KCNC2: variants seen among roughly 807,000 people sequenced by gnomAD.
The protein encoded by KCNC2 is voltage-gated potassium channel KCNC2.
In KCNC2, 21 loss-of-function variants were observed where a neutral mutation model predicts 44.5. That is an observed-to-expected ratio of 0.47 (90% CI 0.33 to 0.68). The LOEUF is 0.68. KCNC2 is among the 30% of genes least tolerant of loss of function. The probability of loss-of-function intolerance (pLI) is 0.01; values close to 1 mark genes in which losing one functional copy is unlikely to be tolerated. For synonymous variants in KCNC2, 391 were observed against 339.1 expected (o/e 1.15, Z -1.68); for missense variants, 589 against 826.2 (o/e 0.71, Z 3.52).
At chr12:75,086,257 T>C (rs1315181013) in intron 2 of KCNC2, among the ~76,000 whole-genome samples, 1 of 151,972 alleles carries the variant, frequency 6.6e-6, no homozygotes, top group Non-Finnish European at 1.5e-5. Flanking sequence ...GTCAGAAGTC[T>C]GGTTATTAGA....
At chr12:75,129,228 C>T (rs893439092) in intron 2 of KCNC2, among the ~76,000 whole-genome samples, 3 of 152,188 alleles carry the variant, frequency 2.0e-5, no homozygotes, top group Non-Finnish European at 4.4e-5. Flanking sequence ...AACTAGTCCT[C>T]AAGTACATTG....
chr12:75,201,827 A>G (rs2031304741), intron 2 of KCNC2, among the ~76,000 whole-genome samples: 1 of 151,824 alleles, frequency 6.6e-6, no homozygotes, highest in Non-Finnish European at 1.5e-5. Flanking sequence ...GAATTGAATT[A>G]AGTTTATGGA....
At chr12:75,105,518 G>A (rs932122164) in intron 2 of KCNC2, among the ~76,000 whole-genome samples, 4 of 152,154 alleles carry the variant, frequency 2.6e-5, no homozygotes, top group African/African-American at 9.7e-5. Flanking sequence ...GGTGAAGGCA[G>A]GAGGCCCATT....
chr12:75,054,976 G>A (rs544466015), intron 2 of KCNC2, among the ~76,000 whole-genome samples: 22 of 152,206 alleles, frequency 1.4e-4, no homozygotes, highest in Admixed American at 3.3e-4. Flanking sequence ...TTTTGTTTCT[G>A]GCTCACTGAG....
chr12:75,075,334 T>C (rs1157289894), intron 2 of KCNC2, among the ~76,000 whole-genome samples: 1 of 151,470 alleles, frequency 6.6e-6, no homozygotes, highest in Non-Finnish European at 1.5e-5. Context: ...ATGATTCCTT[T>C]TTGCATTATC....
chr12:75,111,209 A>T (rs764069860), intron 2 of KCNC2, among the ~76,000 whole-genome samples: 1 of 152,182 alleles, frequency 6.6e-6, no homozygotes, highest in Non-Finnish European at 1.5e-5. Flanking sequence ...ATAAAGGAAG[A>T]TAATATGTTA....
chr12:75,202,021 T>C (rs1382395946), intron 2 of KCNC2, among the ~76,000 whole-genome samples: 1 of 151,960 alleles, frequency 6.6e-6, no homozygotes, highest in Non-Finnish European at 1.5e-5. Flanking sequence ...TTACTTTATT[T>C]GTCATAGTAA....
chr12:75,082,565 A>C (rs1884613622), intron 2 of KCNC2, among the ~76,000 whole-genome samples: 1 of 149,932 alleles, frequency 6.7e-6, no homozygotes, highest in African/African-American at 2.4e-5. Context: ...ATCATGGATA[A>C]TGTTGAAAAA....
chr12:75,207,758 C>G lies in KCNC2; in HGVS notation c.226G>C (p.Gly76Arg), dbSNP rs765716812. The G allele has an allele frequency of 2.5e-6, 4 of 1,569,048 alleles. No homozygotes were observed. The highest frequency in any genetic ancestry group is 2.6e-6 in the Non-Finnish European group (3 of 1,157,668). The change falls in exon 2 of 5, where the codon GGC (glycine) becomes CGC (arginine). Residue 76 changes from glycine (G) to arginine (R), a missense_variant. By Grantham distance (125) the Gly-to-Arg change is moderately radical. Coordinates refer to ENST00000549446, the MANE Select transcript of KCNC2 (RefSeq NM_139137.4). The surrounding 1 kb of genome is among the most constrained non-coding windows in gnomAD (Gnocchi z 4.1). ...RAPPLSPGPGGCFEGGAGNCS... is the reference protein window; with the variant it reads ...RAPPLSPGPGRCFEGGAGNCS... ...TTGCCCGCGCCGCCCTCGAAGCAGC[C>G]GCCTGGCCCGGGGGACAGCGGGGGC... is the stretch of plus-strand genomic sequence containing the variant.
At chr12:75,080,471 C>T (rs1395840598) in intron 2 of KCNC2, among the ~76,000 whole-genome samples, 2 of 151,826 alleles carry the variant, frequency 1.3e-5, no homozygotes, top group Non-Finnish European at 2.9e-5. Context: ...ACCAACTAGC[C>T]ATGCATAAAG....
chr12:75,203,433 T>C (rs1350290726), intron 2 of KCNC2, among the ~76,000 whole-genome samples: 13 of 151,848 alleles, frequency 8.6e-5, no homozygotes, highest in African/African-American at 3.1e-4. Context: ...TAAAAAATGA[T>C]AGATTCGCTA....
chr12:75,163,974 C>T lies in KCNC2; in HGVS notation c.687+43323G>A, dbSNP rs145608786. Among the ~76,000 whole-genome samples the T allele has an allele frequency of 1.5e-3, 229 of 151,736 alleles. 1 individual carries two copies. Among genetic ancestry groups the T allele is most frequent in the African/African-American group, 5.1e-3 (211 of 41,480 alleles). On this transcript the variant is annotated intron_variant, in intron 2 of 4. Coordinates refer to ENST00000549446, the MANE Select transcript of KCNC2 (RefSeq NM_139137.4). ...ACTACCTTGGGGAAAATCCTACACA[C>T]TCCTTTTTTGGAACTTGCAGGGAAC...
At position 75,041,185 on chromosome 12, in the gene KCNC2, C is replaced by A. The variant is rs764083147; in HGVS notation, c.*1920G>T. On this transcript the variant is annotated 3_prime_UTR_variant, in exon 5 of 5. Coordinates refer to ENST00000549446, the MANE Select transcript of KCNC2 (RefSeq NM_139137.4). ...TGTCCCTTTCTCAGCAGTCAATAAT[C>A]CATGATAAATTCTGTACAACACTGT... 2.5e-6 allele frequency: 4 copies of A among 1,596,094 alleles called. No individual in the cohort carries two copies. Among genetic ancestry groups the A allele is most frequent in the African/African-American group, 2.7e-5 (2 of 74,768 alleles).
chr12:75,209,392 C>CCCGCCGG lies in KCNC2; in HGVS notation c.-212_-206dup, dbSNP rs2031967871. The CCCGCCGG allele has an allele frequency of 2.0e-5, 3 of 152,454 alleles. No individual in the cohort carries two copies. The highest frequency in any genetic ancestry group is 2.0e-4 in the Admixed American group (3 of 15,298). The allele number at this position is 152,454 out of a possible 1,614,324, so 9.4% of individuals were successfully genotyped here. On this transcript the variant is annotated 5_prime_UTR_variant, in exon 1 of 5. It introduces an in-frame stop codon into an upstream open reading frame of the 5' UTR. Transcript: ENST00000549446. ...GGGCGCTGGGGTGGGGGAGAAAGCC[C>CCCGCCGG]CCGCCGGCCGCCGGCCGCGCTCCCC...
intron 2 of KCNC2, among the ~76,000 whole-genome samples, chr12:75,184,892 C>T (rs944666228): frequency 1.3e-5 from 2 of 152,128 alleles, no homozygotes; most frequent in African/African-American, 4.8e-5. Flanking sequence ...CTTGCCTACT[C>T]CTCACTATTC....
At chr12:75,137,044 A>C (rs1259650760) in intron 2 of KCNC2, among the ~76,000 whole-genome samples, 1 of 152,060 alleles carries the variant, frequency 6.6e-6, no homozygotes. Flanking sequence ...ACTCACTACA[A>C]TCAGTACCTT....
At chr12:75,085,988 T>C (rs1884963533) in intron 2 of KCNC2, among the ~76,000 whole-genome samples, 1 of 151,954 alleles carries the variant, frequency 6.6e-6, no homozygotes, top group Non-Finnish European at 1.5e-5. Context: ...CTGCTGAAGG[T>C]GAAAGTCGGA....
chr12:75,057,553 G>A (rs1288541722), intron 2 of KCNC2, among the ~76,000 whole-genome samples: 3 of 151,824 alleles, frequency 2.0e-5, no homozygotes, highest in Non-Finnish European at 4.4e-5. Context: ...AAGAAAGCTG[G>A]CATTTCAATG....
intron 2 of KCNC2, among the ~76,000 whole-genome samples, chr12:75,182,109 A>C (rs942694280): frequency 6.6e-6 from 1 of 151,462 alleles, no homozygotes; most frequent in Non-Finnish European, 1.5e-5. Context: ...ATAGAGCTGG[A>C]ATTTCCACCC....
Sources: gnomAD v4.1 joint callset for allele counts (sites outside exome capture counted in the v4.1 genomes callset) on GRCh38, gnomAD v4.1.1 for gene constraint, Gnocchi (gnomAD v3.1) non-coding constraint, MANE v1.5 for transcripts, NCBI Gene and HGNC (gene_info 2026-07-23, HGNC 2026-07-21) for gene names.